Variants in CSMD3 observed in about 807,000 individuals in gnomAD.
CSMD3 encodes CUB and sushi domain-containing protein 3.
CSMD3 carries 177 observed loss-of-function variants against 435.2 expected under a neutral mutation model. The ratio of observed to expected loss-of-function variants is 0.41; its 90% CI spans 0.36 to 0.46. The LOEUF (loss-of-function observed/expected upper bound fraction) is 0.46, where lower values mean the gene tolerates loss of function less well. Among genes scored for constraint, CSMD3 ranks in the 20% least tolerant of loss-of-function variants. The pLI is 0.34. For missense variants in CSMD3, 4,265 were observed against 4,504.6 expected (o/e 0.95, Z 1.52); for synonymous variants, 1,656 against 1,520.5 (o/e 1.09, Z -2.07).
chr8:113,205,643 G>A (rs1390167713), intron 3 of CSMD3, among the ~76,000 whole-genome samples: 1 of 152,096 alleles, frequency 6.6e-6, no homozygotes, highest in African/African-American at 2.4e-5. Flanking sequence ...GCAGACAGAA[G>A]CAGCAAAAGA....
At chr8:112,864,002 A>T (rs2080901942) in intron 10 of CSMD3, among the ~76,000 whole-genome samples, 1 of 152,146 alleles carries the variant, frequency 6.6e-6, no homozygotes, top group Non-Finnish European at 1.5e-5. Flanking sequence ...ATACCATTCA[A>T]TATTGTCTTA....
intron 41 of CSMD3, among the ~76,000 whole-genome samples, chr8:112,343,985 C>T (rs1427635194): frequency 6.6e-6 from 1 of 152,114 alleles, no homozygotes; most frequent in Non-Finnish European, 1.5e-5. Flanking sequence ...TGGGTTCAAG[C>T]AATTCTGCTG....
chr8:112,966,718 TA>T (rs2084431120), intron 7 of CSMD3, among the ~76,000 whole-genome samples: 1 of 151,864 alleles, frequency 6.6e-6, no homozygotes, highest in African/African-American at 2.4e-5. Flanking sequence ...ATCTTTCCAG[TA>T]AAATCATAAT....
intron 50 of CSMD3, among the ~76,000 whole-genome samples, chr8:112,307,761 T>A (rs1000189681): frequency 6.6e-6 from 1 of 152,226 alleles, no homozygotes; most frequent in Non-Finnish European, 1.5e-5. Context: ...ATGAAAGATA[T>A]CTAGCTTACA....
At chr8:113,392,656 T>G (rs2094465856) in intron 1 of CSMD3, among the ~76,000 whole-genome samples, 1 of 152,114 alleles carries the variant, frequency 6.6e-6, no homozygotes, top group African/African-American at 2.4e-5. Context: ...GATTCTCAAC[T>G]ATTAGAGAAT....
chr8:113,140,833 C>T (rs894822351), intron 4 of CSMD3, among the ~76,000 whole-genome samples: 1 of 150,882 alleles, frequency 6.6e-6, no homozygotes, highest in African/African-American at 2.4e-5. Context: ...ATTAAATTCA[C>T]ACCTCAACAA....
At chr8:112,426,378 T>C (rs924290989) in intron 32 of CSMD3, among the ~76,000 whole-genome samples, 1 of 152,160 alleles carries the variant, frequency 6.6e-6, no homozygotes, top group Non-Finnish European at 1.5e-5. Flanking sequence ...TCATGTTTAA[T>C]TATTTTACTG....
chr8:112,963,526 G>A (rs1416777030), intron 7 of CSMD3, among the ~76,000 whole-genome samples: 1 of 151,878 alleles, frequency 6.6e-6, no homozygotes, highest in Non-Finnish European at 1.5e-5. Context: ...ATTGTTGGCT[G>A]TTGCTCATCA....
rs774574681 is a variant in CSMD3 at position 112,406,646 on chromosome 8, A to T, written c.5687T>A (p.Val1896Asp). Reference protein sequence around the residue: ...FGRRIGNEFAVGSSVLFDCNP... With the variant: ...FGRRIGNEFADGSSVLFDCNP... ...ACAATCAAAAAGAACCGATGAACCG[A>T]CTGCAAATTCATTGCCAATTCTTCT... The change falls in exon 35 of 71, where the codon GTC becomes GAC. Residue 1896 changes from valine (V) to aspartate (D), a missense_variant. Val to Asp is a radical substitution (Grantham distance 152). Coordinates refer to ENST00000297405, the MANE Select transcript of CSMD3 (RefSeq NM_198123.2). 1.2e-6 allele frequency: 2 copies of T among 1,612,730 alleles called. No homozygotes were observed. The highest frequency in any genetic ancestry group is 8.5e-7 in the Non-Finnish European group (1 of 1,178,996).
intron 5 of CSMD3, among the ~76,000 whole-genome samples, chr8:113,046,534 G>A (rs1263478561): frequency 7.9e-6 from 1 of 127,370 alleles, no homozygotes; most frequent in African/African-American, 2.5e-5. Context: ...CCCGCCCCCA[G>A]CGCTGCTGGA....
intron 34 of CSMD3, 30 bp downstream of exon 34, chr8:112,408,288 A>G (rs1473790657): frequency 8.2e-7 from 1 of 1,222,680 alleles, no homozygotes; most frequent in East Asian, 2.3e-5. Context: ...ATCATTCCTT[A>G]GTGTGTTTCT....
At chr8:112,343,830 G>A (rs1306590252) in intron 41 of CSMD3, among the ~76,000 whole-genome samples, 2 of 151,722 alleles carry the variant, frequency 1.3e-5, no homozygotes, top group Non-Finnish European at 2.9e-5. Context: ...TTTATTTATA[G>A]TACAGACAGA....
intron 3 of CSMD3, among the ~76,000 whole-genome samples, chr8:113,192,796 T>C (rs947636613): frequency 1.3e-5 from 2 of 149,604 alleles, no homozygotes; most frequent in Non-Finnish European, 1.5e-5. Flanking sequence ...TCTGTTCTTA[T>C]AGTCCTCCTT....
chr8:113,011,445 G>A (rs1246636166), intron 6 of CSMD3, among the ~76,000 whole-genome samples: 1 of 151,706 alleles, frequency 6.6e-6, no homozygotes, highest in Non-Finnish European at 1.5e-5. Context: ...GAAATTTGAA[G>A]TAAAACAATA....
intron 22 of CSMD3, among the ~76,000 whole-genome samples, chr8:112,622,877 A>G (rs1834182909): frequency 6.6e-6 from 1 of 152,156 alleles, no homozygotes; most frequent in Non-Finnish European, 1.5e-5. Flanking sequence ...AACATACTTA[A>G]TAAATTTTCA....
chr8:112,636,733 A>T, intron 22 of CSMD3, 84 bp downstream of exon 22: 1 of 1,155,812 alleles, frequency 8.7e-7, no homozygotes, highest in Admixed American at 1.8e-5. Context: ...AATTCAACAG[A>T]TTATAAAGAA....
At chr8:112,465,925 A>G (rs1195978359) in intron 32 of CSMD3, among the ~76,000 whole-genome samples, 1 of 151,252 alleles carries the variant, frequency 6.6e-6, no homozygotes, top group East Asian at 2.0e-4. Context: ...CAGTGAGCCG[A>G]GATGGCACCA....
chr8:112,904,131 A>G (rs1280270715), intron 10 of CSMD3, among the ~76,000 whole-genome samples: 1 of 151,338 alleles, frequency 6.6e-6, no homozygotes. Flanking sequence ...TATGTGGAAA[A>G]TAGATATTAA....
chr8:113,180,098 C>A lies in CSMD3; in HGVS notation c.515-6182G>T, dbSNP rs557533746. Reference sequence around the variant, plus strand: ...GCTTTAAAACAATGCAAAATTATATCTACTAAGGGAAGTAAAATCAAGTTG... The same window carrying A: ...GCTTTAAAACAATGCAAAATTATATATACTAAGGGAAGTAAAATCAAGTTG... On this transcript the variant is annotated intron_variant, in intron 3 of 70. Transcript: ENST00000297405. 3.7e-4 allele frequency among the ~76,000 whole-genome samples: 56 copies of A among 151,976 alleles called. 1 individual carries two copies. The highest frequency in any genetic ancestry group is 1.2e-3 in the African/African-American group (50 of 41,518).
Sources: gnomAD v4.1 joint callset for allele counts (sites outside exome capture counted in the v4.1 genomes callset) on GRCh38, gnomAD v4.1.1 for gene constraint, MANE v1.5 for transcripts, NCBI Gene and HGNC (gene_info 2026-07-23, HGNC 2026-07-21) for gene names.